Variants in SRD5A2 observed in about 807,000 individuals in gnomAD.
The protein encoded by SRD5A2 is 3-oxo-5-alpha-steroid 4-dehydrogenase 2.
Under a neutral mutation model 27.4 loss-of-function variants are expected in SRD5A2, and 30 were observed. The ratio of observed to expected loss-of-function variants is 1.10; its 90% CI spans 0.82 to 1.49. SRD5A2 has a LOEUF of 1.49. SRD5A2 is among the 40% of genes most tolerant of loss of function. The pLI, the probability that SRD5A2 is intolerant of heterozygous loss-of-function variation, is 0.00. For synonymous variants in SRD5A2, 141 were observed against 133.6 expected, an observed-to-expected ratio of 1.06 and a Z score of -0.38; for missense variants, 348 against 323.4, an observed-to-expected ratio of 1.08 and a Z score of -0.58.
intron 1 of SRD5A2, among the ~76,000 whole-genome samples, chr2:31,548,520 C>T (rs1175317057): frequency 6.6e-6 from 1 of 152,112 alleles, no homozygotes; most frequent in African/African-American, 2.4e-5. Flanking sequence ...AAAATCAAAA[C>T]TACAATGAGA....
At chr2:31,600,282 G>T in the SRD5A2 span, among the ~76,000 whole-genome samples, 1 of 151,896 alleles carries the variant, frequency 6.6e-6, no homozygotes, top group African/African-American at 2.4e-5. Context: ...AAATACTGCT[G>T]CAATAAACAC....
Position 31,568,539 on chromosome 2 carries a change from C to T in SRD5A2, c.281+12081G>A, listed in dbSNP as rs1458208775. Among the ~76,000 whole-genome samples the T allele has an allele frequency of 6.6e-5, 10 of 152,140 alleles. No individual in the cohort carries two copies. In the East Asian group the frequency reaches 1.9e-3, roughly 30 times the overall value. On this transcript the variant is annotated intron_variant, in intron 1 of 4. Coordinates refer to ENST00000622030, the MANE Select transcript of SRD5A2 (RefSeq NM_000348.4). Reference sequence around the variant, plus strand: ...AGAAGGAAGGGCGTGCTGATTGGTCCATGGGCCACCATGAGCAGGTTCAGA... The same window carrying T: ...AGAAGGAAGGGCGTGCTGATTGGTCTATGGGCCACCATGAGCAGGTTCAGA...
the SRD5A2 span, among the ~76,000 whole-genome samples, chr2:31,653,234 A>G: frequency 6.6e-6 from 1 of 152,206 alleles, no homozygotes; most frequent in Admixed American, 6.5e-5. Flanking sequence ...TCAAGCAGCT[A>G]TCAATCATTC....
chr2:31,560,992 T>C (rs1442212427), intron 1 of SRD5A2, among the ~76,000 whole-genome samples: 1 of 152,206 alleles, frequency 6.6e-6, no homozygotes, highest in African/African-American at 2.4e-5. Flanking sequence ...GTTCCCAGAA[T>C]ATCATTTTAT....
At chr2:31,632,337 T>A in the SRD5A2 span, among the ~76,000 whole-genome samples, 1 of 152,194 alleles carries the variant, frequency 6.6e-6, no homozygotes, top group Non-Finnish European at 1.5e-5. Flanking sequence ...TAGGGATTGC[T>A]TCCAGTGCAG....
At chr2:31,545,053 TAATCAAA>T (rs1666216258) in intron 1 of SRD5A2, among the ~76,000 whole-genome samples, 3 of 149,922 alleles carry the variant, frequency 2.0e-5, no homozygotes, top group Non-Finnish European at 4.4e-5. Context: ...ATTACATAAG[TAATCAAA>T]AATCAAAATC....
the SRD5A2 span, among the ~76,000 whole-genome samples, chr2:31,587,675 C>A: frequency 6.6e-6 from 1 of 152,154 alleles, no homozygotes; most frequent in African/African-American, 2.4e-5. Flanking sequence ...CATGTTCTCA[C>A]TCATAAGTGG....
the SRD5A2 span, among the ~76,000 whole-genome samples, chr2:31,653,662 T>C: frequency 0.043 from 6,506 of 151,506 alleles, 164 homozygotes; most frequent in Middle Eastern, 0.078. Context: ...CAAACTCCAA[T>C]TTTTTTTTCT....
At chr2:31,542,993 T>C (rs1666167212) in intron 1 of SRD5A2, among the ~76,000 whole-genome samples, 1 of 152,168 alleles carries the variant, frequency 6.6e-6, no homozygotes, top group Non-Finnish European at 1.5e-5. Context: ...CACATGGATA[T>C]ACATTATAAT....
the SRD5A2 span, among the ~76,000 whole-genome samples, chr2:31,615,504 T>C: frequency 6.6e-6 from 1 of 152,138 alleles, no homozygotes; most frequent in African/African-American, 2.4e-5. Flanking sequence ...ACTTTGAACT[T>C]GAGGGAGATT....
At chr2:31,636,701 A>G in the SRD5A2 span, among the ~76,000 whole-genome samples, 1 of 152,124 alleles carries the variant, frequency 6.6e-6, no homozygotes, top group Non-Finnish European at 1.5e-5. Context: ...GAATTTTATC[A>G]AATGCTTTTG....
chr2:31,566,055 A>C (rs1666721491), intron 1 of SRD5A2, among the ~76,000 whole-genome samples: 1 of 152,104 alleles, frequency 6.6e-6, no homozygotes, highest in South Asian at 2.1e-4. Context: ...TGAATACAGA[A>C]CATGTCTGGA....
At chr2:31,619,007 G>A in the SRD5A2 span, among the ~76,000 whole-genome samples, 1 of 152,002 alleles carries the variant, frequency 6.6e-6, no homozygotes, top group Non-Finnish European at 1.5e-5. Context: ...CAAAGAATCT[G>A]AATAAACATT....
chr2:31,652,139 A>G, the SRD5A2 span, among the ~76,000 whole-genome samples: 8 of 152,144 alleles, frequency 5.3e-5, no homozygotes, highest in African/African-American at 1.7e-4. Flanking sequence ...TATTTTTTGT[A>G]GAGACGGGGT....
At chr2:31,645,218 T>C in the SRD5A2 span, among the ~76,000 whole-genome samples, 1 of 151,830 alleles carries the variant, frequency 6.6e-6, no homozygotes, top group Non-Finnish European at 1.5e-5. Flanking sequence ...AAAAAAAACG[T>C]TAGAAAAAAT....
chr2:31,526,561 T>G (rs1665788189), intron 4 of SRD5A2, among the ~76,000 whole-genome samples: 1 of 152,094 alleles, frequency 6.6e-6, no homozygotes, highest in Admixed American at 6.6e-5. Context: ...GTGGTAAAAT[T>G]TTTGTTACGT....
At chr2:31,626,020 G>C in the SRD5A2 span, among the ~76,000 whole-genome samples, 1 of 152,064 alleles carries the variant, frequency 6.6e-6, no homozygotes, top group Non-Finnish European at 1.5e-5. Flanking sequence ...ATTTGTTTGT[G>C]TCCTCTTTTA....
intron 1 of SRD5A2, among the ~76,000 whole-genome samples, chr2:31,546,479 C>A (rs1445057389): frequency 6.7e-6 from 1 of 149,994 alleles, no homozygotes; most frequent in Non-Finnish European, 1.5e-5. Context: ...TAAATTATGT[C>A]CTTTGCAGCA....
chr2:31,552,799 C>A (rs1463671998), intron 1 of SRD5A2, among the ~76,000 whole-genome samples: 2 of 152,112 alleles, frequency 1.3e-5, no homozygotes, highest in East Asian at 3.9e-4. Flanking sequence ...AACACCACTC[C>A]ATAAAAACTG....
Sources: allele counts gnomAD v4.1 joint callset (sites outside exome capture counted in the v4.1 genomes callset), GRCh38; gene constraint gnomAD v4.1.1; transcripts MANE v1.5; gene names NCBI Gene and HGNC (gene_info 2026-07-23, HGNC 2026-07-21).